The following KLC1 variants were observed in gnomAD, a reference collection of about 807,000 sequenced individuals.
The protein encoded by KLC1 is kinesin 2 60/70kDa.
A neutral mutation model predicts 84.2 loss-of-function variants in KLC1; 30 were observed. The observed-to-expected ratio is 0.36, with a 90% CI of 0.27 to 0.48. The LOEUF (loss-of-function observed/expected upper bound fraction) is 0.48. Ranked by LOEUF, KLC1 falls within the 20% of genes least tolerant of loss-of-function variation. The pLI, the probability that KLC1 is intolerant of heterozygous loss-of-function variation, is 0.99. For synonymous variants in KLC1, 289 were observed against 293.3 expected (o/e 0.99, Z 0.15); for missense variants, 499 against 805.4 (o/e 0.62, Z 4.60).
intron 13 of KLC1, chr14:103,686,475 T>TA (rs2081787557): frequency 6.5e-6 from 1 of 152,990 alleles, no homozygotes; most frequent in African/African-American, 2.4e-5. Flanking sequence ...CTCACCTCCC[T>TA]ACAAGGTTGT....
chr14:103,697,101 T>C (rs1256337112), intron 15 of KLC1: 1 of 985,464 alleles, frequency 1.0e-6, no homozygotes, highest in Non-Finnish European at 1.2e-6. Flanking sequence ...GAAAAGCATT[T>C]GGAATTGCTT....
At position 103,667,751 on chromosome 14, in the gene KLC1, G is replaced by A. The variant is rs140896687; in HGVS notation, c.798-1760G>A. ...ACAACAATATATTAATACGTGGCCAGAATTAGTGTGCTTCAGAGGTTGTAG... is the reference window on the plus strand; with the variant it reads ...ACAACAATATATTAATACGTGGCCAAAATTAGTGTGCTTCAGAGGTTGTAG... On this transcript the variant is annotated intron_variant, in intron 5 of 16. Transcript: ENST00000334553. Among the ~76,000 whole-genome samples, 539 of 152,372 alleles carry A rather than the reference G, an allele frequency of 3.5e-3. 3 individuals are homozygous for A. The highest frequency in any genetic ancestry group is 0.012 in the African/African-American group (517 of 41,592).
intron 2 of KLC1, among the ~76,000 whole-genome samples, chr14:103,655,979 A>T (rs2078808120): frequency 6.6e-6 from 1 of 152,208 alleles, no homozygotes; most frequent in African/African-American, 2.4e-5. Flanking sequence ...GTACTGAGGT[A>T]CACTCTCCTG....
rs1567034128 is a variant in KLC1 at position 103,679,546 on chromosome 14, G to GT, written c.1650+2dup. On this transcript the variant is annotated splice_donor_variant, in intron 13 of 16. Coordinates refer to ENST00000334553, the MANE Select transcript of KLC1 (RefSeq NM_001394837.1). LOFTEE classifies it high-confidence loss of function. ...GAGTATGAGCGTAGAGTGGAACGGG[G>GT]TAAGTACAGTACACAGCGGGCACGT... The GT allele has an allele frequency of 4.3e-6, 7 of 1,612,294 alleles. No homozygotes were observed. The highest frequency in any genetic ancestry group is 5.9e-6 in the Non-Finnish European group (7 of 1,178,500).
intron 1 of KLC1, among the ~76,000 whole-genome samples, chr14:103,641,126 T>C (rs932903899): frequency 1.3e-5 from 2 of 152,142 alleles, no homozygotes; most frequent in African/African-American, 2.4e-5. Flanking sequence ...GGTTTTGCCA[T>C]GTTGGCCATG....
chr14:103,661,246 C>T (rs2079264078), intron 3 of KLC1, among the ~76,000 whole-genome samples: 2 of 152,144 alleles, frequency 1.3e-5, no homozygotes, highest in African/African-American at 4.8e-5. Flanking sequence ...CAACAGCATC[C>T]TTCATGGCAT....
chr14:103,663,967 AAC>A (rs1369337636), intron 5 of KLC1, among the ~76,000 whole-genome samples: 1 of 152,302 alleles, frequency 6.6e-6, no homozygotes, highest in Non-Finnish European at 1.5e-5. Context: ...ATAAAATAAA[AAC>A]ACACAAATAA....
At chr14:103,642,405 C>T (rs369175043) in intron 1 of KLC1, among the ~76,000 whole-genome samples, 1 of 152,124 alleles carries the variant, frequency 6.6e-6, no homozygotes, top group African/African-American at 2.4e-5. Context: ...AGTTTTGAGA[C>T]ATATGGGCAA....
At chr14:103,687,530 T>A (rs558927645) in intron 14 of KLC1, 1 of 160,242 alleles carries the variant, frequency 6.2e-6, no homozygotes, top group African/African-American at 2.4e-5. Context: ...TTGAGCATTT[T>A]GAACTTGTTT....
At chr14:103,644,759 G>A (rs1441392160) in intron 1 of KLC1, among the ~76,000 whole-genome samples, 1 of 152,086 alleles carries the variant, frequency 6.6e-6, no homozygotes, top group East Asian at 1.9e-4. Flanking sequence ...AGAAGAAAAA[G>A]AATATTCTCT....
At chr14:103,663,315 C>T (rs531984167) in intron 5 of KLC1, among the ~76,000 whole-genome samples, 2 of 152,174 alleles carry the variant, frequency 1.3e-5, no homozygotes, top group East Asian at 1.9e-4. Context: ...CTCCTGACCT[C>T]GTGATCCGCC....
At chr14:103,698,750 C>A (rs1276162892) in intron 15 of KLC1, 6 of 1,531,908 alleles carry the variant, frequency 3.9e-6, no homozygotes, top group East Asian at 2.4e-5. Flanking sequence ...GCCCGAGCCC[C>A]GTGTGTCGGG....
At chr14:103,690,011 C>T (rs1412711871) in intron 14 of KLC1, among the ~76,000 whole-genome samples, 1 of 152,036 alleles carries the variant, frequency 6.6e-6, no homozygotes, top group East Asian at 1.9e-4. Context: ...GAAACCCCGT[C>T]TCTACTAAAA....
At chr14:103,696,091 C>CGGGGGGGGGGGGGG (rs2082460992) in intron 15 of KLC1, 12 of 744,650 alleles carry the variant, frequency 1.6e-5, no homozygotes, top group Non-Finnish European at 1.8e-5. Context: ...ATAATCACTG[C>CGGGGGGGGGGGGGG]GCCCCCGCCC....
chr14:103,673,024 A>G lies in KLC1; in HGVS notation c.998A>G (p.Lys333Arg), dbSNP rs1202115220. The change falls in exon 8 of 17, where the codon AAG becomes AGG. Residue 333 changes from lysine (K) to arginine (R), a missense_variant. Around this residue, in one of 3 missense-constraint regions of KLC1, gnomAD observed 153 missense variants for 332.4 expected, o/e 0.46. Transcript: ENST00000334553. Reference sequence around the variant, plus strand: ...GTTTTTTATTTTCAGGTTTTGGGGAAGGATCACCCCGATGTTGCCAAGCAG... The same window carrying G: ...GTTTTTTATTTTCAGGTTTTGGGGAGGGATCACCCCGATGTTGCCAAGCAG... Reference protein sequence around the residue: ...ALEIREKVLGKDHPDVAKQLN... With the variant: ...ALEIREKVLGRDHPDVAKQLN... The G allele has an allele frequency of 2.5e-6, 4 of 1,613,862 alleles. No homozygotes were observed. Among genetic ancestry groups the G allele is most frequent in the Admixed American group, 1.7e-5 (1 of 59,934 alleles).
intron 15 of KLC1, chr14:103,695,732 G>A: frequency 1.0e-6 from 1 of 985,462 alleles, no homozygotes; most frequent in South Asian, 4.7e-5. Flanking sequence ...GTGGCTTCCA[G>A]CCATGGGACT....
intron 14 of KLC1, among the ~76,000 whole-genome samples, chr14:103,689,774 C>T (rs987829290): frequency 6.6e-6 from 1 of 152,160 alleles, no homozygotes; most frequent in African/African-American, 2.4e-5. Flanking sequence ...TTGAATGCCA[C>T]GTGTTCAAAC....
chr14:103,653,474 A>G (rs2078617186), intron 1 of KLC1, among the ~76,000 whole-genome samples: 1 of 152,184 alleles, frequency 6.6e-6, no homozygotes, highest in Non-Finnish European at 1.5e-5. Context: ...GGCGTGTGCC[A>G]GCACACTCAC....
intron 13 of KLC1, chr14:103,683,325 G>T (rs2081518493): frequency 1.3e-5 from 2 of 152,198 alleles, no homozygotes; most frequent in South Asian, 2.1e-4. Context: ...TAAACTACTT[G>T]ACAGCGGCAC....
Sources: allele counts gnomAD v4.1 joint callset (sites outside exome capture counted in the v4.1 genomes callset), GRCh38; gene constraint gnomAD v4.1.1; regional missense constraint gnomAD v4.1.1; transcripts MANE v1.5; gene names NCBI Gene and HGNC (gene_info 2026-07-23, HGNC 2026-07-21).